Variants in MYOM1 observed in about 807,000 individuals in gnomAD.
MYOM1 encodes myomesin 1.
Under a neutral mutation model 205.3 loss-of-function variants are expected in MYOM1, and 164 were observed. That is an observed-to-expected ratio of 0.80 (90% CI 0.70 to 0.91). The LOEUF is 0.91. MYOM1 is among the 40% of genes least tolerant of loss of function. The pLI, the probability that MYOM1 is intolerant of heterozygous loss-of-function variation, is 0.00. For synonymous variants in MYOM1, 772 were observed against 789.4 expected, an observed-to-expected ratio of 0.98 and a Z score of 0.37; for missense variants, 2,011 against 2,127.3, an observed-to-expected ratio of 0.95 and a Z score of 1.08.
chr18:3,118,288 C>T (rs1457127807), intron 20 of MYOM1, among the ~76,000 whole-genome samples: 1 of 151,998 alleles, frequency 6.6e-6, no homozygotes, highest in Non-Finnish European at 1.5e-5. Flanking sequence ...TGGAGGGCTG[C>T]CCCCTCCATT....
chr18:3,220,267 A>ATGGACTTCG, upstream of MYOM1, among the ~76,000 whole-genome samples: 1 of 152,334 alleles, frequency 6.6e-6, no homozygotes, highest in Admixed American at 6.5e-5. Context: ...GATTCTCAAA[A>ATGGACTTCG]TGGACTTCGT....
chr18:3,168,485 C>T (rs1037632573), intron 9 of MYOM1, among the ~76,000 whole-genome samples: 2 of 152,108 alleles, frequency 1.3e-5, no homozygotes, highest in African/African-American at 2.4e-5. Context: ...GACAGGGTTT[C>T]GTCATGTTGG....
intron 14 of MYOM1, among the ~76,000 whole-genome samples, chr18:3,138,158 CCCT>C (rs1221031551): frequency 2.6e-5 from 4 of 152,140 alleles, no homozygotes; most frequent in African/African-American, 4.8e-5. Flanking sequence ...AATCCTTATT[CCCT>C]CCTATTTTAA....
intron 8 of MYOM1, 83 bp downstream of exon 8, chr18:3,173,855 C>G: frequency 8.4e-7 from 1 of 1,193,710 alleles, no homozygotes; most frequent in Non-Finnish European, 1.2e-6. Context: ...ATATAGTATG[C>G]ATTTATTTCA....
intron 4 of MYOM1, among the ~76,000 whole-genome samples, chr18:3,188,062 C>CG (rs2080846652): frequency 6.6e-6 from 1 of 151,612 alleles, no homozygotes; most frequent in South Asian, 2.1e-4. Context: ...AGGCTGGTCT[C>CG]GAACTCCTGT....
chr18:3,073,793 C>A (rs1251675412), intron 36 of MYOM1, among the ~76,000 whole-genome samples: 6 of 152,214 alleles, frequency 3.9e-5, no homozygotes, highest in Non-Finnish European at 8.8e-5. Context: ...GGGGAGGGGC[C>A]TGGCCTCTTC....
chr18:3,231,478 A>G, the MYOM1 span, among the ~76,000 whole-genome samples: 2 of 152,080 alleles, frequency 1.3e-5, no homozygotes, highest in African/African-American at 4.8e-5. Flanking sequence ...CCAAGCCTTC[A>G]AACTACCTCT....
chr18:3,102,389 C>T, intron 23 of MYOM1, 85 bp downstream of exon 23: 2 of 1,312,092 alleles, frequency 1.5e-6, no homozygotes, highest in Non-Finnish European at 2.1e-6. Flanking sequence ...CCTCTTATTC[C>T]AAGCAATTTA....
At chr18:3,146,387 G>C (rs1018698441) in intron 13 of MYOM1, among the ~76,000 whole-genome samples, 1 of 152,048 alleles carries the variant, frequency 6.6e-6, no homozygotes, top group Non-Finnish European at 1.5e-5. Flanking sequence ...GTATAAAAAG[G>C]ATAACACAGC....
chr18:3,111,021 A>G (rs2079519061), intron 22 of MYOM1, among the ~76,000 whole-genome samples: 1 of 144,212 alleles, frequency 6.9e-6, no homozygotes, highest in Non-Finnish European at 1.5e-5. Context: ...GCACAATCTC[A>G]GCTCACTGCA....
chr18:3,142,026 G>A lies in MYOM1; in HGVS notation c.1938C>T (p.Val646=), dbSNP rs2080057711. The A allele has an allele frequency of 6.2e-7, 1 of 1,613,690 alleles. No individual in the cohort carries two copies. The highest frequency in any genetic ancestry group is 8.5e-7 in the Non-Finnish European group (1 of 1,179,826). The part of the protein sequence containing the change: ...IVPGPPTDLS[V]TEATRSYVVL... ...CCACATAGCTCCGGGTGGCCTCAGTGACAGAGAGGTCTGTCGGGGGGCCAG... is the reference window on the plus strand; with the variant it reads ...CCACATAGCTCCGGGTGGCCTCAGTAACAGAGAGGTCTGTCGGGGGGCCAG... Residue 646 remains valine (V), a synonymous_variant, in exon 14 of 38, where the codon GTC becomes GTT. Coordinates refer to ENST00000356443, the MANE Select transcript of MYOM1 (RefSeq NM_003803.4).
intron 10 of MYOM1, among the ~76,000 whole-genome samples, chr18:3,162,442 T>C (rs747916830): frequency 6.6e-6 from 1 of 152,150 alleles, no homozygotes; most frequent in Non-Finnish European, 1.5e-5. Context: ...GAAACTCCAA[T>C]AAAGGGCTTG....
chr18:3,112,503 A>G, intron 21 of MYOM1, 91 bp from the exon 22 acceptor site: 1 of 930,234 alleles, frequency 1.1e-6, no homozygotes, highest in Non-Finnish European at 1.6e-6. Flanking sequence ...CCTCTGTAGT[A>G]ATGATTTAGT....
intron 21 of MYOM1, among the ~76,000 whole-genome samples, 184 bp downstream of exon 21, chr18:3,116,147 T>C (rs1004384586): frequency 1.3e-5 from 2 of 152,140 alleles, no homozygotes; most frequent in African/African-American, 2.4e-5. Flanking sequence ...AGGTTAAATA[T>C]AACCAAACTC....
chr18:3,233,213 G>A, the MYOM1 span, among the ~76,000 whole-genome samples: 2 of 152,188 alleles, frequency 1.3e-5, no homozygotes, highest in Non-Finnish European at 2.9e-5. Flanking sequence ...CTAGTGGACC[G>A]TACAGAAGTT....
the MYOM1 span, among the ~76,000 whole-genome samples, chr18:3,226,091 C>A: frequency 0.081 from 12,394 of 152,228 alleles, 547 homozygotes; most frequent in African/African-American, 0.12. The surrounding 1 kb of genome is among the most constrained non-coding windows in gnomAD (Gnocchi z 4.6). Flanking sequence ...ACTGGAGAAT[C>A]AAAATTCCAT....
chr18:3,211,889 T>C (rs114766446), intron 2 of MYOM1, among the ~76,000 whole-genome samples: 201 of 152,298 alleles, frequency 1.3e-3, no homozygotes, highest in African/African-American at 4.5e-3. Context: ...GCCGAGCACT[T>C]ACACTCCACA....
In MYOM1 at chr18:3,129,326, A is replaced by T. The variant is rs1392856989; in HGVS notation, c.2700T>A (p.Ser900Arg). ...GGGTAAGCTCTTCCTGAACTGTTTCACTTACTTTACTCACTTCTGTTTGGC... is the reference window on the plus strand; with the variant it reads ...GGGTAAGCTCTTCCTGAACTGTTTCTCTTACTTTACTCACTTCTGTTTGGC... ...NLGQTEVSKVSETVQEELTPP... is the reference protein window; with the variant it reads ...NLGQTEVSKVRETVQEELTPP... Residue 900 changes from serine (S) to arginine (R), a missense_variant, in exon 18 of 38, where the codon AGT (serine) becomes AGA (arginine). By Grantham distance (110) the Ser-to-Arg change is moderately radical. Transcript: ENST00000356443. 6.2e-7 allele frequency: 1 copy of T among 1,613,680 alleles called. No individual in the cohort carries two copies. The highest frequency in any genetic ancestry group is 8.5e-7 in the Non-Finnish European group (1 of 1,179,870).
chr18:3,069,250 T>C (rs1380664805), intron 37 of MYOM1, among the ~76,000 whole-genome samples: 2 of 152,206 alleles, frequency 1.3e-5, no homozygotes, highest in African/African-American at 4.8e-5. Context: ...GCAATTCTGA[T>C]AGGTGTGGTG....
Sources: gnomAD v4.1 joint callset for allele counts (sites outside exome capture counted in the v4.1 genomes callset) on GRCh38, gnomAD v4.1.1 for gene constraint, Gnocchi (gnomAD v3.1) non-coding constraint, MANE v1.5 for transcripts, NCBI Gene and HGNC (gene_info 2026-07-23, HGNC 2026-07-21) for gene names.